MORC2: variants seen among roughly 807,000 people sequenced by gnomAD.
The protein encoded by MORC2 is MORC family CW-type zinc finger 2, also known as ATPase MORC2.
A neutral mutation model predicts 136.0 loss-of-function variants in MORC2; 30 were observed. The ratio of observed to expected loss-of-function variants is 0.22; its 90% CI spans 0.17 to 0.30. The LOEUF is 0.30. MORC2 is among the 10% of genes least tolerant of loss of function. MORC2 has a pLI of 1.00. For missense variants in MORC2, 922 were observed against 1,333.1 expected, an observed-to-expected ratio of 0.69 and a Z score of 4.80; for synonymous variants, 439 against 487.0, an observed-to-expected ratio of 0.90 and a Z score of 1.30.
intron 3 of MORC2, among the ~76,000 whole-genome samples, chr22:30,955,266 A>T (rs913771356): frequency 6.6e-6 from 1 of 152,022 alleles, no homozygotes; most frequent in African/African-American, 2.4e-5. Flanking sequence ...CCTTGGCCTG[A>T]GCATTTAGTA....
At position 30,940,844 on chromosome 22, in the gene MORC2, A is replaced by G. The variant is rs2147263953; in HGVS notation, c.825-7T>C. The G allele has an allele frequency of 6.2e-7, 1 of 1,613,698 alleles. No homozygotes were observed. Among genetic ancestry groups the G allele is most frequent in the Non-Finnish European group, 8.5e-7 (1 of 1,179,692 alleles). Reference sequence around the variant, plus strand: ...TGACGTGTACTTGTACATCCTGATCAGTAGAAAAAGCAAGCTGATGGCCCA... The same window carrying G: ...TGACGTGTACTTGTACATCCTGATCGGTAGAAAAAGCAAGCTGATGGCCCA... On this transcript the variant is annotated splice_polypyrimidine_tract_variant and splice_region_variant and intron_variant, in intron 9 of 25. Coordinates refer to ENST00000397641, the MANE Select transcript of MORC2 (RefSeq NM_001303256.3).
intron 3 of MORC2, 125 bp downstream of exon 3, chr22:30,956,638 C>T: frequency 1.3e-6 from 1 of 786,712 alleles, no homozygotes; most frequent in Non-Finnish European, 2.1e-6. Flanking sequence ...CTACCTATGA[C>T]CTGGAATAAT....
At position 30,926,737 on chromosome 22, in the gene MORC2, TC is replaced by T. The variant is rs1392037694; in HGVS notation, c.*65del. On this transcript the variant is annotated 3_prime_UTR_variant, in exon 26 of 26. Transcript: ENST00000397641. ...TGCGACCACCAACCCATGAATGAAGTCCCCTCCCCCTGCAGCTACAGGGTTG... is the reference window on the plus strand; with the variant it reads ...TGCGACCACCAACCCATGAATGAAGTCCCTCCCCCTGCAGCTACAGGGTTG... 7 of 1,375,978 alleles carry T rather than the reference TC, an allele frequency of 5.1e-6. No homozygotes were observed. The highest frequency in any genetic ancestry group is 4.1e-6 in the Non-Finnish European group (4 of 982,466). The allele number at this position is 1,375,978 out of a possible 1,614,324, so 85.2% of individuals were successfully genotyped here. A position where few individuals can be genotyped will look rare whatever the true frequency, so the allele number is the denominator to read the frequency against.
chr22:30,928,314 G>GGTACA, intron 24 of MORC2, 107 bp from the exon 25 acceptor site: 1 of 1,080,460 alleles, frequency 9.3e-7, no homozygotes, highest in Admixed American at 2.1e-5. Context: ...AGGATGCCTG[G>GGTACA]TCTGAAGGAA....
chr22:30,949,526 G>T (rs1315931232), intron 5 of MORC2, among the ~76,000 whole-genome samples: 1 of 152,190 alleles, frequency 6.6e-6, no homozygotes, highest in East Asian at 1.9e-4. Context: ...GAAACGTACA[G>T]CCTCTCCTGC....
At chr22:30,931,888 C>G (rs1602476486) in intron 24 of MORC2, among the ~76,000 whole-genome samples, 1 of 152,244 alleles carries the variant, frequency 6.6e-6, no homozygotes, top group African/African-American at 2.4e-5. Flanking sequence ...GGGCAAGGCA[C>G]CCCTTCAGCA....
intron 5 of MORC2, 50 bp downstream of exon 5, chr22:30,949,702 G>T: frequency 7.1e-7 from 1 of 1,408,502 alleles, no homozygotes; most frequent in Non-Finnish European, 1.0e-6. Flanking sequence ...AAGCAGGACA[G>T]CATTGCTGGA....
rs747998929 is a variant in MORC2 at position 30,926,830 on chromosome 22, A to G, written c.3072T>C (p.Ile1024=). Residue 1024 remains isoleucine, a synonymous_variant, in exon 26 of 26, where the codon ATT becomes ATC. Coordinates refer to ENST00000397641, the MANE Select transcript of MORC2 (RefSeq NM_001303256.3). ...AGTCCCCCTTGGTGATGAGGTCCTCAATGTAGGCGTCCAGCTCATCATCTG... is the reference window on the plus strand; with the variant it reads ...AGTCCCCCTTGGTGATGAGGTCCTCGATGTAGGCGTCCAGCTCATCATCTG... ...INTDDELDAY[I]EDLITKGD is the part of the protein sequence containing the mutation. 6.2e-7 allele frequency: 1 copy of G among 1,613,678 alleles called. No individual in the cohort carries two copies. Among genetic ancestry groups the G allele is most frequent in the Non-Finnish European group, 8.5e-7 (1 of 1,179,896 alleles).
rs774331494 is a variant in MORC2 at position 30,941,793 on chromosome 22, C to A, written c.698+98G>T. 3.2e-5 allele frequency: 39 copies of A among 1,238,080 alleles called. No homozygotes were observed. The highest frequency in any genetic ancestry group is 1.0e-4 in the Admixed American group (6 of 57,480). The allele number at this position is 1,238,080 out of a possible 1,614,324, so 76.7% of individuals were successfully genotyped here. A position where few individuals can be genotyped will look rare whatever the true frequency, so the allele number is the denominator to read the frequency against. On this transcript the variant is annotated intron_variant, in intron 8 of 25. Transcript: ENST00000397641. The surrounding 1 kb of genome is among the most constrained non-coding windows in gnomAD (Gnocchi z 4.6). ...CTACATACTACCCTACCACAGAACA[C>A]TGGGCAATGAATGTGCTCTCCCCTC... is the stretch of plus-strand genomic sequence containing the variant.
chr22:30,925,731 G>C lies in MORC2; in HGVS notation c.*1072C>G, dbSNP rs1302655905. 6.5e-6 allele frequency: 1 copy of C among 153,700 alleles called. No individual in the cohort carries two copies. The highest frequency in any genetic ancestry group is 1.5e-5 in the Non-Finnish European group (1 of 68,054). The allele number at this position is 153,700 out of a possible 1,614,324, so 9.5% of individuals were successfully genotyped here. On this transcript the variant is annotated 3_prime_UTR_variant, in exon 26 of 26. Transcript: ENST00000397641. ...TTAAAGAGAAAATTCAGCAACGCTT[G>C]CCTTTGTCTTTGACCCTGAGAAGTT...
At chr22:30,948,558 C>T (rs1028600281) in intron 5 of MORC2, among the ~76,000 whole-genome samples, 8 of 152,294 alleles carry the variant, frequency 5.3e-5, no homozygotes, top group Non-Finnish European at 7.4e-5. Flanking sequence ...ATTATCATCT[C>T]AATTTACAAA....
chr22:30,934,679 A>G lies in MORC2; in HGVS notation c.2193+102T>C. ...GGGGCAGCAGCAAAGCTTTAGATTC[A>G]GTATCTTCCGAAGGCTCCCCCAGTA... On this transcript the variant is annotated intron_variant, in intron 19 of 25. Transcript: ENST00000397641. The surrounding 1 kb of genome is among the most constrained non-coding windows in gnomAD (Gnocchi z 4.4). 6.8e-7 allele frequency: 1 copy of G among 1,464,256 alleles called. No individual in the cohort carries two copies. 90.7% of individuals were successfully genotyped at this position (1,464,256 alleles called of 1,614,324 possible).
At chr22:30,931,435 T>A (rs2040574712) in intron 24 of MORC2, among the ~76,000 whole-genome samples, 2 of 152,254 alleles carry the variant, frequency 1.3e-5, no homozygotes, top group South Asian at 4.1e-4. Flanking sequence ...AGACATGGTT[T>A]GGATGACAGT....
Position 30,939,950 on chromosome 22 carries a change from G to C in MORC2, c.987+9C>G. ...CGCTGGAGAACAGCCGCCTGGGCCG[G>C]GACCTTACCCTGGAGTCCCGCGTGA... On this transcript the variant is annotated intron_variant, in intron 11 of 25. Coordinates refer to ENST00000397641, the MANE Select transcript of MORC2 (RefSeq NM_001303256.3). The C allele has an allele frequency of 6.2e-7, 1 of 1,613,248 alleles. No individual in the cohort carries two copies. The highest frequency in any genetic ancestry group is 8.5e-7 in the Non-Finnish European group (1 of 1,179,728).
intron 18 of MORC2, 41 bp from the exon 19 acceptor site, chr22:30,935,202 C>T: frequency 6.2e-7 from 1 of 1,612,384 alleles, no homozygotes; most frequent in Non-Finnish European, 8.5e-7. Context: ...CTGATCCTAG[C>T]ATGAGACACC....
At chr22:30,963,745 C>T (rs1304536795) in intron 1 of MORC2, among the ~76,000 whole-genome samples, 1 of 152,084 alleles carries the variant, frequency 6.6e-6, no homozygotes, top group Non-Finnish European at 1.5e-5. Context: ...TTAGCATTTC[C>T]AGGGACAAAT....
At position 30,933,708 on chromosome 22, in the gene MORC2, T is replaced by C. The variant is rs576348014; in HGVS notation, c.2326-188A>G. 6.6e-5 allele frequency among the ~76,000 whole-genome samples: 10 copies of C among 152,304 alleles called. No individual in the cohort carries two copies. The South Asian group carries it at 2.1e-3, about 32-fold the overall frequency. ...AAGGTACCTACCCTTCTGCTACCTTTACGAACAAGACAGCAGGCAAGGGAC... is the reference window on the plus strand; with the variant it reads ...AAGGTACCTACCCTTCTGCTACCTTCACGAACAAGACAGCAGGCAAGGGAC... On this transcript the variant is annotated intron_variant, in intron 20 of 25. Transcript: ENST00000397641.
chr22:30,927,793 C>A (rs868721170), intron 25 of MORC2, among the ~76,000 whole-genome samples: 26 of 152,216 alleles, frequency 1.7e-4, no homozygotes, highest in African/African-American at 5.5e-4. Flanking sequence ...CCAGGTTGTA[C>A]GTCGGAATGT....
intron 1 of MORC2, among the ~76,000 whole-genome samples, chr22:30,963,033 G>C (rs1461581414): frequency 6.6e-6 from 1 of 152,028 alleles, no homozygotes; most frequent in Non-Finnish European, 1.5e-5. Context: ...GAGTGCAGTG[G>C]TGCGATCGGC....
Sources: gnomAD v4.1 joint callset for allele counts (sites outside exome capture counted in the v4.1 genomes callset) on GRCh38, gnomAD v4.1.1 for gene constraint, Gnocchi (gnomAD v3.1) non-coding constraint, MANE v1.5 for transcripts, NCBI Gene and HGNC (gene_info 2026-07-23, HGNC 2026-07-21) for gene names.